KIF6: variants seen among roughly 807,000 people sequenced by gnomAD.
KIF6 encodes the protein kinesin family member 6.
A neutral mutation model predicts 112.7 loss-of-function variants in KIF6; 106 were observed. That is an observed-to-expected ratio of 0.94 (90% CI 0.80 to 1.11). KIF6 has a LOEUF of 1.11. KIF6 is among the 50% of genes least tolerant of loss of function. The probability of loss-of-function intolerance (pLI) is 0.00; values close to 1 mark genes in which losing one functional copy is unlikely to be tolerated. For missense variants in KIF6, 929 were observed against 964.0 expected (o/e 0.96, Z 0.48); for synonymous variants, 339 against 339.9 (o/e 1.00, Z 0.03).
chr6:39,443,119 A>G (rs893784783), intron 13 of KIF6, among the ~76,000 whole-genome samples: 1 of 99,680 alleles, frequency 1.0e-5, no homozygotes, highest in South Asian at 2.6e-4. Context: ...ATCTCAAATA[A>G]TAATAATAAT....
chr6:39,648,258 T>G lies in KIF6; in HGVS notation c.252-8501A>C, dbSNP rs944487720. The stretch of plus-strand genomic sequence containing the variant: ...TGCCTCACCATGTTGGCCAGGCTGG[T>G]CTCGAACTCCTGACCTCAGGTGATC... On this transcript the variant is annotated intron_variant, in intron 3 of 22. Coordinates refer to ENST00000287152, the MANE Select transcript of KIF6 (RefSeq NM_145027.6). Among the ~76,000 whole-genome samples the G allele has an allele frequency of 1.3e-4, 20 of 149,522 alleles. 1 individual carries two copies. Among genetic ancestry groups the G allele is most frequent in the Admixed American group, 1.3e-3 (19 of 15,070 alleles).
intron 5 of KIF6, among the ~76,000 whole-genome samples, chr6:39,631,861 G>A (rs960546181): frequency 2.0e-5 from 3 of 151,704 alleles, no homozygotes; most frequent in Non-Finnish European, 2.9e-5. Flanking sequence ...TTAAATATTT[G>A]GTAGAATTTT....
chr6:39,537,016 T>C (rs574062038), intron 13 of KIF6, among the ~76,000 whole-genome samples: 11 of 152,282 alleles, frequency 7.2e-5, no homozygotes, highest in South Asian at 4.1e-4. Context: ...AATTCAACAA[T>C]GCTTCATGCT....
chr6:39,700,182 T>C lies in KIF6; in HGVS notation c.251+14510A>G, dbSNP rs572415046. Among the ~76,000 whole-genome samples, 3 of 152,348 alleles carry C rather than the reference T, an allele frequency of 2.0e-5. No homozygotes were observed. The East Asian group carries it at 5.8e-4, about 29-fold the overall frequency. On this transcript the variant is annotated intron_variant, in intron 3 of 22. Transcript: ENST00000287152. ...TTACACTCATTTAATTATTTTAAAA[T>C]GTACACTTAAGTTATTATTGACTAT...
chr6:39,337,110 CTCTT>C (rs61092060), intron 22 of KIF6, among the ~76,000 whole-genome samples: 9,497 of 115,960 alleles, frequency 0.082, 1,366 homozygotes, highest in African/African-American at 0.28. Flanking sequence ...CTTCTTTCTT[CTCTT>C]TCTTTCTTTC....
In KIF6 at chr6:39,681,103, C is replaced by CATAAA. The variant is rs756508260; in HGVS notation, c.251+33584_251+33588dup. On this transcript the variant is annotated intron_variant, in intron 3 of 22. Transcript: ENST00000287152. ...GAAGTTGAATCTGGGCAAATAAATACATAAAATAAAATAAAATAAAATAAA... is the reference window on the plus strand; with the variant it reads ...GAAGTTGAATCTGGGCAAATAAATACATAAAATAAAATAAAATAAAATAAAATAAA... Among the ~76,000 whole-genome samples the CATAAA allele has an allele frequency of 8.2e-4, 124 of 151,982 alleles. 1 individual carries two copies. The highest frequency in any genetic ancestry group is 8.1e-3 in the South Asian group (39 of 4,814).
intron 13 of KIF6, among the ~76,000 whole-genome samples, chr6:39,450,217 C>A (rs1179307720): frequency 1.3e-5 from 2 of 152,124 alleles, no homozygotes; most frequent in Non-Finnish European, 2.9e-5. Context: ...ATGGGGTCAT[C>A]CAAGCTAATA....
intron 13 of KIF6, among the ~76,000 whole-genome samples, chr6:39,496,850 T>C (rs914443497): frequency 6.6e-6 from 1 of 152,216 alleles, no homozygotes; most frequent in African/African-American, 2.4e-5. Context: ...TTCACAAAAT[T>C]AACAAATTTA....
chr6:39,558,739 C>T (rs1006461138), intron 10 of KIF6, among the ~76,000 whole-genome samples: 1 of 152,118 alleles, frequency 6.6e-6, no homozygotes, highest in African/African-American at 2.4e-5. Context: ...CTGTCTAGGC[C>T]AAAAGAATCC....
intron 9 of KIF6, among the ~76,000 whole-genome samples, chr6:39,581,156 ACTTT>A (rs1339454780): frequency 2.0e-4 from 25 of 123,916 alleles, no homozygotes; most frequent in Admixed American, 5.9e-4. Flanking sequence ...TAGTAGCTTT[ACTTT>A]CTTTTTTTTT....
intron 3 of KIF6, among the ~76,000 whole-genome samples, chr6:39,684,157 A>G (rs1287796988): frequency 1.3e-5 from 2 of 152,202 alleles, no homozygotes; most frequent in South Asian, 4.1e-4. Context: ...GCAGATACTC[A>G]TGAAGGGAGA....
At chr6:39,457,449 C>T (rs1773198586) in intron 13 of KIF6, among the ~76,000 whole-genome samples, 1 of 145,724 alleles carries the variant, frequency 6.9e-6, no homozygotes, top group Non-Finnish European at 1.5e-5. Flanking sequence ...CCTAACATCA[C>T]AATTAAAAGA....
chr6:39,622,803 G>C (rs143275589), intron 5 of KIF6, among the ~76,000 whole-genome samples: 486 of 152,324 alleles, frequency 3.2e-3, no homozygotes, highest in African/African-American at 0.011. Context: ...ATGTGCACGA[G>C]ATGCTGGAGG....
At chr6:39,622,334 C>A (rs1490899594) in intron 5 of KIF6, among the ~76,000 whole-genome samples, 1 of 151,612 alleles carries the variant, frequency 6.6e-6, no homozygotes, top group Non-Finnish European at 1.5e-5. Flanking sequence ...TATGTGCTTG[C>A]TTTTTAACTT....
At chr6:39,585,900 A>G (rs1340257329) in intron 8 of KIF6, among the ~76,000 whole-genome samples, 2 of 152,208 alleles carry the variant, frequency 1.3e-5, no homozygotes, top group African/African-American at 2.4e-5. Flanking sequence ...GATATCTCCA[A>G]GGTATCCGGA....
At chr6:39,346,049 G>GCGCTCTCT (rs1763693911) in intron 20 of KIF6, among the ~76,000 whole-genome samples, 1 of 28,994 alleles carries the variant, frequency 3.4e-5, no homozygotes, top group African/African-American at 1.3e-4. Context: ...AAACTACAGT[G>GCGCTCTCT]CTCTCTCTCT....
At chr6:39,683,958 A>C (rs1237835826) in intron 3 of KIF6, among the ~76,000 whole-genome samples, 1 of 152,216 alleles carries the variant, frequency 6.6e-6, no homozygotes, top group Non-Finnish European at 1.5e-5. Flanking sequence ...TGACCTAGTC[A>C]AAGGAGAGTT....
chr6:39,487,209 G>T (rs1279635710), intron 13 of KIF6, among the ~76,000 whole-genome samples: 1 of 152,198 alleles, frequency 6.6e-6, no homozygotes, highest in Non-Finnish European at 1.5e-5. Context: ...AACTGAGGCT[G>T]TAAGTCTGAC....
In KIF6 at chr6:39,667,759, G is replaced by A. The variant is rs190498008; in HGVS notation, c.252-28002C>T. On this transcript the variant is annotated intron_variant, in intron 3 of 22. Coordinates refer to ENST00000287152, the MANE Select transcript of KIF6 (RefSeq NM_145027.6). ...AGATGTTAGCGATTTTAGACTTTGG[G>A]AATTTTGATCTTTCAGGATTTCAAC... 1.9e-3 allele frequency among the ~76,000 whole-genome samples: 283 copies of A among 152,252 alleles called. 1 individual carries two copies. The highest frequency in any genetic ancestry group is 6.3e-3 in the African/African-American group (260 of 41,548).
Sources: allele counts gnomAD v4.1 joint callset (sites outside exome capture counted in the v4.1 genomes callset), GRCh38; gene constraint gnomAD v4.1.1; transcripts MANE v1.5; gene names NCBI Gene and HGNC (gene_info 2026-07-23, HGNC 2026-07-21).